The following USP3 variants were observed in gnomAD, a reference collection of about 807,000 sequenced individuals.
The protein encoded by USP3 is ubiquitin specific peptidase 3.
In USP3, 20 loss-of-function variants were observed where a neutral mutation model predicts 72.3. That is an observed-to-expected ratio of 0.28 (90% CI 0.19 to 0.40). The LOEUF is 0.40. USP3 is among the 10% of genes least tolerant of loss of function. The pLI is 1.00. For missense variants in USP3, 479 were observed against 633.9 expected (o/e 0.76, Z 2.62); for synonymous variants, 222 against 225.3 (o/e 0.99, Z 0.13).
At chr15:63,563,372 T>G (rs1178676244) in intron 8 of USP3, among the ~76,000 whole-genome samples, 2 of 152,152 alleles carry the variant, frequency 1.3e-5, no homozygotes, top group Non-Finnish European at 2.9e-5. Context: ...CTAAAAAAAT[T>G]AATAAGATCA....
intron 7 of USP3, among the ~76,000 whole-genome samples, chr15:63,561,063 G>A (rs941628914): frequency 7.9e-5 from 12 of 151,970 alleles, no homozygotes; most frequent in Non-Finnish European, 1.5e-4. Flanking sequence ...CTGGAATGAC[G>A]TCACTACAAG....
At chr15:63,577,265 T>G (rs529744031) in intron 11 of USP3, among the ~76,000 whole-genome samples, 1 of 152,288 alleles carries the variant, frequency 6.6e-6, no homozygotes, top group South Asian at 2.1e-4. Context: ...AACAATAATA[T>G]TCAGAGATCA....
At chr15:63,530,706 TG>T (rs2066060838) in intron 1 of USP3, 1 of 353,690 alleles carries the variant, frequency 2.8e-6, no homozygotes, top group Non-Finnish European at 5.5e-6. Context: ...CCTCAAACCA[TG>T]AATAGCTGTT....
intron 11 of USP3, among the ~76,000 whole-genome samples, chr15:63,585,440 C>A (rs2067039558): frequency 6.6e-6 from 1 of 151,982 alleles, no homozygotes; most frequent in African/African-American, 2.4e-5. Flanking sequence ...AAATGTATTC[C>A]TAAGTACTTT....
At chr15:63,537,248 C>T in intron 3 of USP3, 92 bp downstream of exon 3, 1 of 1,368,910 alleles carries the variant, frequency 7.3e-7, no homozygotes, top group Non-Finnish European at 9.8e-7. Flanking sequence ...CCAGTTACTA[C>T]TGCTGTTACC....
chr15:63,590,442 C>CT (rs1355548835), intron 14 of USP3, among the ~76,000 whole-genome samples: 1 of 152,178 alleles, frequency 6.6e-6, no homozygotes, highest in Non-Finnish European at 1.5e-5. Flanking sequence ...TTCCTCATCT[C>CT]TGTTTTCTCC....
intron 11 of USP3, among the ~76,000 whole-genome samples, chr15:63,581,837 C>T (rs1355772238): frequency 3.3e-5 from 5 of 152,136 alleles, no homozygotes; most frequent in Admixed American, 6.5e-5. Flanking sequence ...CAGGCACATG[C>T]TGCAATGCTT....
intron 2 of USP3, among the ~76,000 whole-genome samples, chr15:63,533,512 A>G (rs142362148): frequency 2.3e-4 from 35 of 152,308 alleles, no homozygotes; most frequent in Middle Eastern, 3.4e-3. Flanking sequence ...TAGCTTAGAA[A>G]ATCTACTTTG....
chr15:63,585,786 A>T (rs2067046535), intron 11 of USP3, among the ~76,000 whole-genome samples: 1 of 142,020 alleles, frequency 7.0e-6, no homozygotes, highest in Non-Finnish European at 1.5e-5. Context: ...AGGGTATAAA[A>T]GTCTGTGTCT....
Position 63,574,309 on chromosome 15 carries a change from T to G in USP3, c.1016-14T>G, listed in dbSNP as rs781337243. The G allele has an allele frequency of 6.4e-7, 1 of 1,573,876 alleles. No individual in the cohort carries two copies. The highest frequency in any genetic ancestry group is 8.6e-7 in the Non-Finnish European group (1 of 1,164,106). On this transcript the variant is annotated splice_polypyrimidine_tract_variant and intron_variant, in intron 10 of 14. Coordinates refer to ENST00000380324, the MANE Select transcript of USP3 (RefSeq NM_006537.4). This position sits in a 1 kb window ranked among gnomAD's most constrained non-coding sequence, Gnocchi z 4.6. ...CCTTTAACAGCTCTCTGTTTACCTC[T>G]CTCTCCTTTTAAGACCTTTCATTAG...
intron 1 of USP3, among the ~76,000 whole-genome samples, chr15:63,515,664 T>C (rs1423007388): frequency 6.6e-6 from 1 of 152,250 alleles, no homozygotes; most frequent in African/African-American, 2.4e-5. Context: ...TTATGCTGTG[T>C]AATATATTTT....
At chr15:63,560,099 A>C in intron 7 of USP3, 129 bp downstream of exon 7, 4 of 778,756 alleles carry the variant, frequency 5.1e-6, no homozygotes, top group Non-Finnish European at 8.0e-6. Context: ...AATTGTGTTT[A>C]AATATCTAGT....
intron 11 of USP3, among the ~76,000 whole-genome samples, chr15:63,583,176 T>G (rs1388379063): frequency 6.6e-6 from 1 of 152,134 alleles, no homozygotes; most frequent in African/African-American, 2.4e-5. Context: ...TGTGGCTAGG[T>G]AGCACAGGCA....
chr15:63,560,284 C>T (rs1265945092), intron 7 of USP3, among the ~76,000 whole-genome samples: 18 of 151,880 alleles, frequency 1.2e-4, no homozygotes, highest in Non-Finnish European at 1.2e-4. Flanking sequence ...GGCATGGTGG[C>T]GGGTACCTGT....
intron 3 of USP3, among the ~76,000 whole-genome samples, chr15:63,545,970 C>CAAAAAAAAAAAAAAAAAAAAAAA (rs60122671): frequency 1.5e-5 from 1 of 68,856 alleles, no homozygotes. Context: ...GACCTTGTCT[C>CAAAAAAAAAAAAAAAAAAAAAAA]AAAAAAAAAA....
At chr15:63,558,530 G>A (rs192351607) in intron 6 of USP3, among the ~76,000 whole-genome samples, 1 of 152,036 alleles carries the variant, frequency 6.6e-6, no homozygotes, top group East Asian at 1.9e-4. Flanking sequence ...TAGTATTTCA[G>A]GCTACAGTCT....
At chr15:63,584,368 G>C (rs2067019971) in intron 11 of USP3, among the ~76,000 whole-genome samples, 1 of 152,136 alleles carries the variant, frequency 6.6e-6, no homozygotes, top group Non-Finnish European at 1.5e-5. Flanking sequence ...AAAGTGCTGG[G>C]ATTACAGGTG....
intron 3 of USP3, among the ~76,000 whole-genome samples, chr15:63,540,485 T>C (rs2066228329): frequency 6.6e-6 from 1 of 152,222 alleles, no homozygotes; most frequent in Admixed American, 6.5e-5. Flanking sequence ...GTTAACTGTC[T>C]TTCAGAAATG....
intron 1 of USP3, among the ~76,000 whole-genome samples, chr15:63,508,119 C>T (rs1181367174): frequency 1.3e-5 from 2 of 152,094 alleles, no homozygotes; most frequent in Non-Finnish European, 2.9e-5. Flanking sequence ...TGACTGTAAA[C>T]AAAAGTAACA....
Sources: allele counts gnomAD v4.1 joint callset (sites outside exome capture counted in the v4.1 genomes callset), GRCh38; gene constraint gnomAD v4.1.1; non-coding constraint Gnocchi (gnomAD v3.1); transcripts MANE v1.5; gene names NCBI Gene and HGNC (gene_info 2026-07-23, HGNC 2026-07-21).